Variants in ARID1B observed in about 807,000 individuals in gnomAD.
The protein encoded by ARID1B is AT-rich interactive domain-containing protein 1B.
A neutral mutation model predicts 212.3 loss-of-function variants in ARID1B; 30 were observed. That is an observed-to-expected ratio of 0.14 (90% CI 0.11 to 0.19). The LOEUF is 0.19. Among genes scored for constraint, ARID1B ranks in the 10% least tolerant of loss-of-function variants. ARID1B has a pLI of 1.00. For missense variants in ARID1B, 2,891 were observed against 3,204.0 expected, an observed-to-expected ratio of 0.90 and a Z score of 2.36; for synonymous variants, 1,402 against 1,301.7, an observed-to-expected ratio of 1.08 and a Z score of -1.66.
intron 4 of ARID1B, chr6:156,976,951 A>G (rs1209082830): frequency 3.9e-5 from 21 of 545,244 alleles, no homozygotes; most frequent in Non-Finnish European, 6.1e-5. Flanking sequence ...AAATGGCAGA[A>G]TAATCTGCTT....
chr6:157,184,118 TA>T lies in ARID1B; in HGVS notation c.3715-109del, dbSNP rs1053751740. 35 of 951,264 alleles carry T rather than the reference TA, an allele frequency of 3.7e-5. No individual in the cohort carries two copies. The African/African-American group carries it at 5.2e-4, about 14-fold the overall frequency. The allele number at this position is 951,264 out of a possible 1,614,324, so 58.9% of individuals were successfully genotyped here. ...CTGAGTGGGAGTAATGAGCATTAGT[TA>T]AAAGAGGCAAATGAAGAAAAGTCAA... is the stretch of plus-strand genomic sequence containing the variant. On this transcript the variant is annotated intron_variant, in intron 12 of 19. Coordinates refer to ENST00000636930, the MANE Select transcript of ARID1B (RefSeq NM_001374828.1).
At chr6:156,927,101 C>T (rs535837038) in intron 3 of ARID1B, among the ~76,000 whole-genome samples, 1 of 152,238 alleles carries the variant, frequency 6.6e-6, no homozygotes, top group East Asian at 1.9e-4. Context: ...TATCAATTAT[C>T]CAGTATTCAA....
chr6:157,149,096 A>C, intron 8 of ARID1B, 145 bp downstream of exon 8: 3 of 815,940 alleles, frequency 3.7e-6, no homozygotes, highest in Non-Finnish European at 5.7e-6. Context: ...TGTGTTAAAT[A>C]TATTCTGTAG....
chr6:157,011,161 T>TA (rs1166291622), intron 4 of ARID1B, among the ~76,000 whole-genome samples: 2 of 152,254 alleles, frequency 1.3e-5, no homozygotes, highest in Non-Finnish European at 2.9e-5. Context: ...GCAGGTATGA[T>TA]AAACTCTTGG....
chr6:156,826,659 C>A (rs977430237), intron 1 of ARID1B, among the ~76,000 whole-genome samples: 1 of 152,102 alleles, frequency 6.6e-6, no homozygotes, highest in Non-Finnish European at 1.5e-5. Flanking sequence ...TCCATCTTCA[C>A]CTCCCCTCCG....
intron 4 of ARID1B, among the ~76,000 whole-genome samples, chr6:157,052,356 C>T (rs1019708451): frequency 2.0e-5 from 3 of 152,136 alleles, no homozygotes; most frequent in African/African-American, 7.2e-5. Flanking sequence ...GGAACCAAGT[C>T]GGCCTGTTGG....
chr6:156,946,012 A>G (rs1344866336), intron 4 of ARID1B, among the ~76,000 whole-genome samples: 2 of 152,098 alleles, frequency 1.3e-5, no homozygotes, highest in Non-Finnish European at 2.9e-5. Flanking sequence ...CTGTCTCAAC[A>G]ACGACAAAGG....
At chr6:156,897,264 C>CTTCTTCTTCTTATTATTA (rs71027320) in intron 2 of ARID1B, among the ~76,000 whole-genome samples, 1,023 of 83,506 alleles carry the variant, frequency 0.012, 10 homozygotes, top group Non-Finnish European at 0.017. Flanking sequence ...TCTTCTTCTT[C>CTTCTTCTTCTTATTATTA]TTATTATTAT....
chr6:157,098,339 A>T (rs1367833701), intron 5 of ARID1B, among the ~76,000 whole-genome samples: 1 of 152,190 alleles, frequency 6.6e-6, no homozygotes, highest in Non-Finnish European at 1.5e-5. Context: ...GCAGAGTGCT[A>T]TGAATCCGGA....
intron 2 of ARID1B, among the ~76,000 whole-genome samples, chr6:156,834,675 G>A (rs887510284): frequency 6.6e-5 from 10 of 152,132 alleles, no homozygotes; most frequent in Non-Finnish European, 1.5e-4. Context: ...TTCGTGTTCT[G>A]TACTGAGACT....
At chr6:156,832,162 G>A (rs1783187209) in intron 2 of ARID1B, among the ~76,000 whole-genome samples, 2 of 152,202 alleles carry the variant, frequency 1.3e-5, no homozygotes, top group South Asian at 2.1e-4. Flanking sequence ...AAGATTTAGA[G>A]CAAAGGTTAT....
At chr6:157,041,229 G>A (rs1781853135) in intron 4 of ARID1B, among the ~76,000 whole-genome samples, 1 of 152,158 alleles carries the variant, frequency 6.6e-6, no homozygotes, top group Non-Finnish European at 1.5e-5. Flanking sequence ...ACCGTGCCTT[G>A]TATATCATTA....
At chr6:157,151,773 A>G (rs1193484332) in intron 8 of ARID1B, 1 of 152,250 alleles carries the variant, frequency 6.6e-6, no homozygotes, top group South Asian at 2.1e-4. Flanking sequence ...GGTTAAAATC[A>G]AACAGGGAAC....
At chr6:156,990,458 T>C (rs1020650575) in intron 4 of ARID1B, among the ~76,000 whole-genome samples, 3 of 151,994 alleles carry the variant, frequency 2.0e-5, no homozygotes, top group Admixed American at 6.6e-5. Flanking sequence ...CTGGCCATCA[T>C]GGTGAAACCC....
chr6:157,168,327 A>G (rs1583441367), intron 9 of ARID1B: 3 of 152,242 alleles, frequency 2.0e-5, no homozygotes, highest in African/African-American at 4.8e-5. Flanking sequence ...GAAGGTTTTT[A>G]AATAAATAAA....
chr6:157,176,552 A>G (rs1792114535), intron 11 of ARID1B, among the ~76,000 whole-genome samples: 1 of 152,216 alleles, frequency 6.6e-6, no homozygotes. Context: ...AAAACTTAAG[A>G]TAATAATTAA....
intron 4 of ARID1B, among the ~76,000 whole-genome samples, chr6:157,060,031 T>G (rs543304086): frequency 6.6e-6 from 1 of 152,282 alleles, no homozygotes; most frequent in South Asian, 2.1e-4. Context: ...GAATTTCTAA[T>G]TACCAGATTC....
chr6:157,109,821 T>A (rs1339236004), intron 5 of ARID1B, among the ~76,000 whole-genome samples: 1 of 152,184 alleles, frequency 6.6e-6, no homozygotes, highest in Non-Finnish European at 1.5e-5. Flanking sequence ...GGAGTTTACA[T>A]TATATTTGGA....
In ARID1B at chr6:156,779,025, G is replaced by A. The variant is rs1394806542; in HGVS notation, c.1345G>A (p.Gly449Arg). The change falls in exon 1 of 20, where the codon GGG becomes AGG. Residue 449 changes from glycine to arginine, a missense_variant. This residue lies in a region of ARID1B where 1,643 missense variants were observed against 1,544.0 expected (regional missense o/e 1.06). Transcript: ENST00000636930. The stretch of plus-strand genomic sequence containing the variant: ...CTATGGGGGCTCGTCCGCGGGGTAC[G>A]GGGTGCTGAGCTCCCCCCGGCAGCA... ...GGYGGSSAGYGVLSSPRQQGG... is the reference protein window; with the variant it reads ...GGYGGSSAGYRVLSSPRQQGG... 1.0e-5 allele frequency: 13 copies of A among 1,250,408 alleles called. No homozygotes were observed. The highest frequency in any genetic ancestry group is 3.0e-6 in the Non-Finnish European group (3 of 1,006,068). The allele number at this position is 1,250,408 out of a possible 1,614,324, so 77.5% of individuals were successfully genotyped here.
Sources: gnomAD v4.1 joint callset for allele counts (sites outside exome capture counted in the v4.1 genomes callset) on GRCh38, gnomAD v4.1.1 for gene constraint, gnomAD v4.1.1 regional missense constraint, MANE v1.5 for transcripts, NCBI Gene and HGNC (gene_info 2026-07-23, HGNC 2026-07-21) for gene names.